DOCK3: variants seen among roughly 807,000 people sequenced by gnomAD.
The protein encoded by DOCK3 is dedicator of cytokinesis protein 3.
In DOCK3, 60 loss-of-function variants were observed where a neutral mutation model predicts 265.6. The ratio of observed to expected loss-of-function variants is 0.23; its 90% CI spans 0.18 to 0.28. The LOEUF (loss-of-function observed/expected upper bound fraction) is 0.28. Ranked by LOEUF, DOCK3 falls within the 10% of genes least tolerant of loss-of-function variation. The pLI, the probability that DOCK3 is intolerant of heterozygous loss-of-function variation, is 1.00. For missense variants in DOCK3, 1,981 were observed against 2,594.3 expected (o/e 0.76, Z 5.14); for synonymous variants, 881 against 938.0 (o/e 0.94, Z 1.11).
At chr3:51,053,669 C>T (rs2081091660) in intron 5 of DOCK3, among the ~76,000 whole-genome samples, 1 of 152,118 alleles carries the variant, frequency 6.6e-6, no homozygotes, top group Non-Finnish European at 1.5e-5. Flanking sequence ...GATCCACCAG[C>T]CTCGGCCTCC....
intron 27 of DOCK3, among the ~76,000 whole-genome samples, chr3:51,309,233 A>G (rs377531759): frequency 6.6e-5 from 10 of 152,306 alleles, no homozygotes; most frequent in East Asian, 1.9e-4. Flanking sequence ...CAAGGCAGGC[A>G]GCTGGGAGGT....
At chr3:51,165,761 C>A (rs2086370294) in intron 12 of DOCK3, among the ~76,000 whole-genome samples, 1 of 152,114 alleles carries the variant, frequency 6.6e-6, no homozygotes, top group Admixed American at 6.5e-5. Context: ...CATGTTGTCA[C>A]AAAAGCAGGA....
chr3:51,063,819 G>C (rs572600410), intron 5 of DOCK3, among the ~76,000 whole-genome samples: 135 of 152,224 alleles, frequency 8.9e-4, no homozygotes, highest in African/African-American at 3.2e-3. Context: ...AGATGTTTCC[G>C]TTTAACTCTT....
chr3:50,936,615 T>C (rs577765329), intron 5 of DOCK3, among the ~76,000 whole-genome samples: 3 of 152,204 alleles, frequency 2.0e-5, no homozygotes, highest in South Asian at 4.2e-4. Context: ...AGGTTTCTCA[T>C]CAGAAAGTAT....
Position 51,307,930 on chromosome 3 carries a change from T to C in DOCK3, c.2923-2302T>C, listed in dbSNP as rs139955621. Among the ~76,000 whole-genome samples the C allele has an allele frequency of 1.4e-3, 203 of 150,266 alleles. 1 individual carries two copies. Among genetic ancestry groups the C allele is most frequent in the African/African-American group, 4.8e-3 (195 of 40,744 alleles). On this transcript the variant is annotated intron_variant, in intron 27 of 52. Transcript: ENST00000266037. ...TCCAACAAATGCCTTGGGTATAGAGTTTTCCTCACTGAGTGAGCTCTGAGT... is the reference window on the plus strand; with the variant it reads ...TCCAACAAATGCCTTGGGTATAGAGCTTTCCTCACTGAGTGAGCTCTGAGT...
intron 4 of DOCK3, among the ~76,000 whole-genome samples, chr3:50,920,855 A>G (rs954390214): frequency 3.9e-5 from 6 of 151,982 alleles, no homozygotes; most frequent in African/African-American, 9.7e-5. Context: ...TGTCAATTTT[A>G]GATCTTTCCT....
At chr3:51,354,226 C>CT (rs1197487637) in intron 40 of DOCK3, among the ~76,000 whole-genome samples, 1 of 148,664 alleles carries the variant, frequency 6.7e-6, no homozygotes, top group Admixed American at 6.9e-5. Flanking sequence ...CACCACCCCC[C>CT]CCCCATTTAA....
intron 2 of DOCK3, among the ~76,000 whole-genome samples, chr3:50,808,254 A>G (rs894922087): frequency 5.9e-5 from 9 of 152,210 alleles, no homozygotes; most frequent in African/African-American, 1.9e-4. Flanking sequence ...TATGAATTGA[A>G]AGACTATCAT....
At chr3:51,095,705 C>T (rs894907112) in intron 9 of DOCK3, among the ~76,000 whole-genome samples, 31 of 151,432 alleles carry the variant, frequency 2.0e-4, no homozygotes, top group African/African-American at 6.1e-4. Context: ...CCCATCTTAC[C>T]CAACTTTTAG....
intron 25 of DOCK3, chr3:51,276,547 A>T: frequency 3.6e-6 from 2 of 561,686 alleles, no homozygotes; most frequent in Non-Finnish European, 4.5e-6. Context: ...AAGTGTTATG[A>T]TCAGTTCGAC....
chr3:51,225,825 C>A, intron 15 of DOCK3, 52 bp downstream of exon 15: 1 of 1,560,982 alleles, frequency 6.4e-7, no homozygotes, highest in Non-Finnish European at 8.7e-7. Context: ...TATAATAATT[C>A]TCTGTGGACT....
At chr3:51,246,952 C>G in intron 22 of DOCK3, 145 bp downstream of exon 22, 2 of 814,748 alleles carry the variant, frequency 2.5e-6, no homozygotes, top group Non-Finnish European at 3.8e-6. Context: ...CACATAATTT[C>G]TCTTTCCTTA....
intron 21 of DOCK3, among the ~76,000 whole-genome samples, chr3:51,240,629 A>G (rs1015744394): frequency 9.3e-4 from 141 of 152,302 alleles, no homozygotes; most frequent in African/African-American, 3.3e-3. Flanking sequence ...TGTTGGGTGC[A>G]TATATACTTA....
At chr3:51,366,194 C>T (rs1000979300) in intron 49 of DOCK3, among the ~76,000 whole-genome samples, 1 of 152,210 alleles carries the variant, frequency 6.6e-6, no homozygotes, top group Non-Finnish European at 1.5e-5. Flanking sequence ...AGGGATTCAA[C>T]TTCTTCCTGG....
At chr3:51,354,842 A>G in intron 40 of DOCK3, 40 bp from the exon 41 acceptor site, 1 of 1,596,322 alleles carries the variant, frequency 6.3e-7, no homozygotes, top group Non-Finnish European at 8.6e-7. Context: ...GGGGGCTACA[A>G]GCAAAGCATA....
At chr3:51,081,737 T>C (rs1357472091) in intron 7 of DOCK3, among the ~76,000 whole-genome samples, 2 of 151,500 alleles carry the variant, frequency 1.3e-5, no homozygotes, top group Non-Finnish European at 2.9e-5. Context: ...GTACTAAAAA[T>C]ACAAAAAAAT....
intron 1 of DOCK3, among the ~76,000 whole-genome samples, chr3:50,699,586 G>A (rs1455415356): frequency 2.0e-5 from 3 of 151,876 alleles, no homozygotes; most frequent in African/African-American, 4.8e-5. Flanking sequence ...CTGAGTAGCT[G>A]GTATGGGAAT....
intron 5 of DOCK3, among the ~76,000 whole-genome samples, chr3:50,946,829 G>A (rs76105779): frequency 0.02 from 3,121 of 152,254 alleles, 107 homozygotes; most frequent in African/African-American, 0.071. Context: ...TTATGATGCA[G>A]TTGCTGTCTT....
At chr3:51,330,009 TGGGA>T in intron 32 of DOCK3, 125 bp from the exon 33 acceptor site, 2 of 900,284 alleles carry the variant, frequency 2.2e-6, no homozygotes, top group Non-Finnish European at 3.4e-6. Flanking sequence ...CTACCTTCCC[TGGGA>T]TTTCTTTGGA....
Sources: gnomAD v4.1 joint callset for allele counts (sites outside exome capture counted in the v4.1 genomes callset) on GRCh38, gnomAD v4.1.1 for gene constraint, MANE v1.5 for transcripts, NCBI Gene and HGNC (gene_info 2026-07-23, HGNC 2026-07-21) for gene names.